Variants in DGKB observed in about 807,000 individuals in gnomAD.
The protein encoded by DGKB is 90 kDa diacylglycerol kinase.
In DGKB, 67 loss-of-function variants were observed where a neutral mutation model predicts 114.3. That is an observed-to-expected ratio of 0.59 (90% CI 0.48 to 0.72). DGKB has a LOEUF of 0.72. Among genes scored for constraint, DGKB ranks in the 30% least tolerant of loss-of-function variants. DGKB has a pLI of 0.00. For missense variants in DGKB, 907 were observed against 975.2 expected (o/e 0.93, Z 0.93); for synonymous variants, 398 against 323.1 (o/e 1.23, Z -2.49).
chr7:14,571,436 G>A lies in DGKB; in HGVS notation c.1770+2776C>T, dbSNP rs76112143. 6.6e-5 allele frequency among the ~76,000 whole-genome samples: 10 copies of A among 152,314 alleles called. No homozygotes were observed. The East Asian group carries it at 1.9e-3, about 29-fold the overall frequency. ...ATGAACAGGGAGAGCCAGTGTCATAGCTAGCCTGAGTTTGTGAAACTGACT... is the reference window on the plus strand; with the variant it reads ...ATGAACAGGGAGAGCCAGTGTCATAACTAGCCTGAGTTTGTGAAACTGACT... On this transcript the variant is annotated intron_variant, in intron 20 of 25. Transcript: ENST00000402815.
chr7:14,255,495 C>A (rs1235972324), intron 23 of DGKB, among the ~76,000 whole-genome samples: 2 of 152,136 alleles, frequency 1.3e-5, no homozygotes, highest in African/African-American at 2.4e-5. Flanking sequence ...TTCTTGAAAT[C>A]TTTTCAGAGC....
At chr7:14,160,662 G>T (rs971824008) in intron 25 of DGKB, among the ~76,000 whole-genome samples, 1 of 152,182 alleles carries the variant, frequency 6.6e-6, no homozygotes, top group African/African-American at 2.4e-5. Flanking sequence ...CTCATGGATA[G>T]GAAGAATTAA....
intron 5 of DGKB, among the ~76,000 whole-genome samples, chr7:14,726,900 G>C (rs749484001): frequency 3.9e-5 from 6 of 152,182 alleles, no homozygotes; most frequent in Non-Finnish European, 7.3e-5. Flanking sequence ...GAACAAAGCA[G>C]GAAAATCCCA....
At chr7:14,924,525 C>T (rs1207703455) in intron 1 of DGKB, among the ~76,000 whole-genome samples, 1 of 152,162 alleles carries the variant, frequency 6.6e-6, no homozygotes, top group African/African-American at 2.4e-5. Flanking sequence ...TCTCACTCTA[C>T]AATCCTGAAA....
At chr7:14,336,688 G>A (rs78469857) in intron 23 of DGKB, among the ~76,000 whole-genome samples, 3 of 152,102 alleles carry the variant, frequency 2.0e-5, no homozygotes, top group African/African-American at 7.2e-5. Flanking sequence ...AGTCTGGTTT[G>A]TTTGTAGTTT....
At chr7:14,897,248 T>A (rs1474843388) in intron 1 of DGKB, among the ~76,000 whole-genome samples, 1 of 151,926 alleles carries the variant, frequency 6.6e-6, no homozygotes, top group Non-Finnish European at 1.5e-5. Flanking sequence ...TGTATAAAAA[T>A]GGAATTTGAA....
At chr7:14,420,440 G>A (rs1826476864) in intron 21 of DGKB, among the ~76,000 whole-genome samples, 1 of 151,870 alleles carries the variant, frequency 6.6e-6, no homozygotes, top group African/African-American at 2.4e-5. Flanking sequence ...AGTAAGTTTT[G>A]GTAAAATATC....
chr7:14,788,704 C>G (rs1245362283), intron 2 of DGKB, among the ~76,000 whole-genome samples: 1 of 152,128 alleles, frequency 6.6e-6, no homozygotes, highest in Non-Finnish European at 1.5e-5. Context: ...TCTTGCCCAC[C>G]TTTTCTTCTC....
chr7:14,734,389 G>T (rs184018891), intron 5 of DGKB, among the ~76,000 whole-genome samples: 1 of 152,098 alleles, frequency 6.6e-6, no homozygotes, highest in African/African-American at 2.4e-5. Context: ...GCTGGGACTC[G>T]CTAGACTTGT....
At chr7:14,179,249 A>C (rs1286977621) in intron 23 of DGKB, among the ~76,000 whole-genome samples, 1 of 152,174 alleles carries the variant, frequency 6.6e-6, no homozygotes, top group Non-Finnish European at 1.5e-5. Context: ...CTGTCCCAAG[A>C]CTCAGTGACA....
At chr7:14,216,240 T>A (rs549558706) in intron 23 of DGKB, among the ~76,000 whole-genome samples, 1 of 152,208 alleles carries the variant, frequency 6.6e-6, no homozygotes, top group East Asian at 1.9e-4. Context: ...GAAGTGGAGA[T>A]AAGGAATGTG....
chr7:14,281,428 C>T (rs895346478), intron 23 of DGKB, among the ~76,000 whole-genome samples: 3 of 139,378 alleles, frequency 2.2e-5, no homozygotes, highest in African/African-American at 8.3e-5. Flanking sequence ...TTTAACACCC[C>T]ACTGTCAACA....
At chr7:14,301,687 G>A (rs1299865987) in intron 23 of DGKB, among the ~76,000 whole-genome samples, 2 of 152,090 alleles carry the variant, frequency 1.3e-5, no homozygotes, top group Non-Finnish European at 2.9e-5. Flanking sequence ...ATGAATAGGT[G>A]TGTACACACA....
chr7:14,245,926 C>CA (rs1199530567), intron 23 of DGKB, among the ~76,000 whole-genome samples: 1 of 152,014 alleles, frequency 6.6e-6, no homozygotes, highest in Non-Finnish European at 1.5e-5. Flanking sequence ...GATCCTGTCT[C>CA]AAAAAACAAA....
At chr7:14,376,787 G>A (rs534377987) in intron 21 of DGKB, among the ~76,000 whole-genome samples, 1 of 152,250 alleles carries the variant, frequency 6.6e-6, no homozygotes, top group Admixed American at 6.5e-5. Context: ...GGATGAATAA[G>A]GGTGCCTAGA....
intron 25 of DGKB, among the ~76,000 whole-genome samples, chr7:14,163,946 G>T (rs1237238331): frequency 6.6e-6 from 1 of 151,568 alleles, no homozygotes; most frequent in Non-Finnish European, 1.5e-5. Context: ...AGTGAGCCGA[G>T]ATCATGCCAT....
chr7:14,924,360 T>C (rs979881193), intron 1 of DGKB, among the ~76,000 whole-genome samples: 9 of 152,202 alleles, frequency 5.9e-5, no homozygotes, highest in African/African-American at 2.2e-4. Flanking sequence ...CTAATTTCAC[T>C]ATGAAATTGG....
At chr7:14,521,351 G>A (rs2128565936) in intron 20 of DGKB, among the ~76,000 whole-genome samples, 1 of 152,232 alleles carries the variant, frequency 6.6e-6, no homozygotes, top group East Asian at 1.9e-4. Context: ...TAACTGGCTA[G>A]CCATTTTCAC....
chr7:14,846,431 G>C (rs1467911195), intron 1 of DGKB, among the ~76,000 whole-genome samples: 3 of 152,178 alleles, frequency 2.0e-5, no homozygotes, highest in Non-Finnish European at 4.4e-5. Context: ...GCATACACAA[G>C]CCTATGAAAA....
Sources: gnomAD v4.1 joint callset for allele counts (sites outside exome capture counted in the v4.1 genomes callset) on GRCh38, gnomAD v4.1.1 for gene constraint, MANE v1.5 for transcripts, NCBI Gene and HGNC (gene_info 2026-07-23, HGNC 2026-07-21) for gene names.